Variants in RCL1 observed in about 807,000 individuals in gnomAD.
RCL1 encodes RNA 3'-terminal phosphate cyclase-like protein.
Under a neutral mutation model 42.4 loss-of-function variants are expected in RCL1, and 24 were observed. The observed-to-expected ratio is 0.57, with a 90% confidence interval of 0.41 to 0.80. RCL1 has a LOEUF of 0.80. Among genes scored for constraint, RCL1 ranks in the 30% least tolerant of loss-of-function variants. The probability of loss-of-function intolerance (pLI) is 0.00; values close to 1 mark genes in which losing one functional copy is unlikely to be tolerated. For missense variants in RCL1, 578 were observed against 467.9 expected (o/e 1.24, Z -2.17); for synonymous variants, 228 against 177.3 (o/e 1.29, Z -2.27).
chr9:4,806,099 T>G (rs994276142), intron 1 of RCL1, among the ~76,000 whole-genome samples: 4 of 150,974 alleles, frequency 2.6e-5, no homozygotes, highest in Non-Finnish European at 5.9e-5. Context: ...CTTCCAGCAT[T>G]GCTGAATTTA....
intron 1 of RCL1, among the ~76,000 whole-genome samples, chr9:4,805,305 C>G (rs1164749871): frequency 1.3e-5 from 2 of 152,106 alleles, no homozygotes; most frequent in East Asian, 3.9e-4. Context: ...AGGAGGATCA[C>G]TTGAGCCTAG....
At chr9:4,819,988 A>G (rs570210554) in intron 1 of RCL1, among the ~76,000 whole-genome samples, 2 of 152,316 alleles carry the variant, frequency 1.3e-5, no homozygotes, top group East Asian at 3.9e-4. Context: ...ACAAAAAGAA[A>G]TATAACTTTG....
At position 4,860,441 on chromosome 9, in the gene RCL1, G is replaced by C. The variant is rs975784832; in HGVS notation, c.*166G>C. On this transcript the variant is annotated 3_prime_UTR_variant, in exon 9 of 9. Transcript: ENST00000381750. ...AATAAAAGACATCCCTGTAGCATAT[G>C]GTTTCCAGCTGTTTCTCCAGTGGCA... The C allele has an allele frequency of 3.9e-6, 3 of 760,482 alleles. No individual in the cohort carries two copies. The African/African-American group carries it at 5.5e-5, about 14-fold the overall frequency. 47.1% of individuals were successfully genotyped at this position (760,482 alleles called of 1,614,324 possible).
At chr9:4,793,290 C>T in intron 1 of RCL1, 63 bp downstream of exon 1, 2 of 1,504,108 alleles carry the variant, frequency 1.3e-6, no homozygotes, top group South Asian at 1.2e-5. Flanking sequence ...GAGCTGATGC[C>T]GTGGGGGCCC....
chr9:4,805,318 G>A (rs573601988), intron 1 of RCL1, among the ~76,000 whole-genome samples: 2 of 152,154 alleles, frequency 1.3e-5, no homozygotes, highest in Non-Finnish European at 2.9e-5. Context: ...GAGCCTAGGA[G>A]TTCCAGGTTA....
chr9:4,806,840 C>G (rs1329938149), intron 1 of RCL1, among the ~76,000 whole-genome samples: 1 of 151,532 alleles, frequency 6.6e-6, no homozygotes, highest in African/African-American at 2.4e-5. Context: ...GTTTTTAATT[C>G]TTTAAATGTT....
chr9:4,852,073 G>A (rs1817772614), intron 8 of RCL1, among the ~76,000 whole-genome samples: 1 of 151,966 alleles, frequency 6.6e-6, no homozygotes, highest in South Asian at 2.1e-4. Flanking sequence ...AGTAGAGACG[G>A]GGTTTCACCA....
chr9:4,805,760 T>G (rs79265371), intron 1 of RCL1, among the ~76,000 whole-genome samples: 6,717 of 152,088 alleles, frequency 0.044, 229 homozygotes, highest in East Asian at 0.099. Flanking sequence ...CCATTCTTGG[T>G]GCTGCGACTG....
chr9:4,794,978 C>T (rs1057380544), intron 1 of RCL1, among the ~76,000 whole-genome samples: 4 of 152,122 alleles, frequency 2.6e-5, no homozygotes, highest in African/African-American at 9.7e-5. Context: ...ATTTGCCTTA[C>T]CCCGTTCATA....
At chr9:4,809,406 T>G (rs1040534690) in intron 1 of RCL1, among the ~76,000 whole-genome samples, 1 of 152,042 alleles carries the variant, frequency 6.6e-6, no homozygotes, top group Non-Finnish European at 1.5e-5. Flanking sequence ...GCCTCCTGGA[T>G]TCAAGCGATT....
chr9:4,859,118 C>T lies in RCL1; in HGVS notation c.972-1007C>T, dbSNP rs115569301. On this transcript the variant is annotated intron_variant, in intron 8 of 8. Transcript: ENST00000381750. ...CTTATGGTCAGGCTAGCTGGGGTGA[C>T]GCTAGGTCTGCCAGGCGAGACCATT... Among the ~76,000 whole-genome samples, 719 of 152,272 alleles carry T rather than the reference C, an allele frequency of 4.7e-3. 6 individuals are homozygous for T. Among genetic ancestry groups the T allele is most frequent in the African/African-American group, 0.016 (684 of 41,540 alleles).
At chr9:4,804,113 G>C (rs1327584178) in intron 1 of RCL1, 1 of 152,522 alleles carries the variant, frequency 6.6e-6, no homozygotes, top group Non-Finnish European at 1.5e-5. Context: ...TAACGGAGCA[G>C]CGAGACCTGC....
At chr9:4,853,316 A>G (rs919612631) in intron 8 of RCL1, among the ~76,000 whole-genome samples, 1 of 141,836 alleles carries the variant, frequency 7.1e-6, no homozygotes, top group East Asian at 2.0e-4. Context: ...TCCCTTACCC[A>G]CTGTGCTCTT....
At chr9:4,851,340 C>T (rs748830655) in intron 8 of RCL1, among the ~76,000 whole-genome samples, 18 of 152,124 alleles carry the variant, frequency 1.2e-4, no homozygotes, top group African/African-American at 3.9e-4. Flanking sequence ...TTTGTGCAGA[C>T]GGGTCTGCCA....
intron 1 of RCL1, among the ~76,000 whole-genome samples, chr9:4,808,331 A>G (rs1428881399): frequency 6.6e-6 from 1 of 152,028 alleles, no homozygotes; most frequent in Admixed American, 6.6e-5. Context: ...TTTTTAAGAC[A>G]GGGTCTCCTT....
intron 8 of RCL1, among the ~76,000 whole-genome samples, chr9:4,856,565 T>C (rs1414928945): frequency 2.0e-5 from 3 of 152,026 alleles, no homozygotes; most frequent in East Asian, 3.9e-4. Flanking sequence ...AATAATTTAA[T>C]GATGGGGAAG....
At chr9:4,808,242 A>G (rs747324686) in intron 1 of RCL1, among the ~76,000 whole-genome samples, 2 of 152,286 alleles carry the variant, frequency 1.3e-5, no homozygotes, top group Middle Eastern at 6.8e-3. Context: ...GATTGCTAAC[A>G]TCCTCTTAGT....
intron 1 of RCL1, among the ~76,000 whole-genome samples, chr9:4,814,420 GC>G (rs1289377221): frequency 1.3e-5 from 2 of 151,992 alleles, no homozygotes; most frequent in East Asian, 3.9e-4. Flanking sequence ...ACAGGTGTTT[GC>G]CACCATGCCC....
Position 4,839,840 on chromosome 9 carries a change from T to C in RCL1, c.585-1392T>C, listed in dbSNP as rs575364204. 12 of 984,982 alleles carry C rather than the reference T, an allele frequency of 1.2e-5. No individual in the cohort carries two copies. The African/African-American group carries it at 1.9e-4, about 16-fold the overall frequency. 61.0% of individuals were successfully genotyped at this position (984,982 alleles called of 1,614,324 possible). A position where few individuals can be genotyped will look rare whatever the true frequency, so the allele number is the denominator to read the frequency against. On this transcript the variant is annotated intron_variant, in intron 5 of 8. Transcript: ENST00000381750. ...TTGAAGAGCAAGAACAAAATGTGCA[T>C]ATGTGAAGAGAGATGTATGGTAAGT...
Sources: allele counts gnomAD v4.1 joint callset (sites outside exome capture counted in the v4.1 genomes callset), GRCh38; gene constraint gnomAD v4.1.1; transcripts MANE v1.5; gene names NCBI Gene and HGNC (gene_info 2026-07-23, HGNC 2026-07-21).